LAMA3: variants seen among roughly 807,000 people sequenced by gnomAD.
The protein encoded by LAMA3 is laminin subunit alpha-3.
Under a neutral mutation model 402.0 loss-of-function variants are expected in LAMA3, and 281 were observed. The observed-to-expected ratio is 0.70, with a 90% CI of 0.63 to 0.77. The LOEUF (loss-of-function observed/expected upper bound fraction) is 0.77, where lower values mean the gene tolerates loss of function less well. Among genes scored for constraint, LAMA3 ranks in the 30% least tolerant of loss-of-function variants. The pLI, the probability that LAMA3 is intolerant of heterozygous loss-of-function variation, is 0.00. For missense variants in LAMA3, 3,840 were observed against 4,215.5 expected (o/e 0.91, Z 2.47); for synonymous variants, 1,431 against 1,558.4 (o/e 0.92, Z 1.93).
intron 2 of LAMA3, among the ~76,000 whole-genome samples, chr18:23,733,229 G>A (rs1412841395): frequency 2.6e-5 from 4 of 152,166 alleles, no homozygotes; most frequent in Non-Finnish European, 5.9e-5. Flanking sequence ...CATGGAGGGA[G>A]GCATTATCTT....
At position 23,689,997 on chromosome 18, in the gene LAMA3, C is replaced by T. The variant is rs940389517; in HGVS notation, c.294+20C>T. The T allele has an allele frequency of 4.2e-6, 6 of 1,412,864 alleles. No individual in the cohort carries two copies. The Admixed American group carries it at 8.3e-5, about 20-fold the overall frequency. 87.5% of individuals were successfully genotyped at this position (1,412,864 alleles called of 1,614,324 possible). The stretch of plus-strand genomic sequence containing the variant: ...ATCCAGGTGAGGGCCTCGGAGAGAG[C>T]CGGGGTGGGCGCGCCTTTTCCTTCC... On this transcript the variant is annotated intron_variant, in intron 1 of 74. Transcript: ENST00000313654.
At chr18:23,777,910 T>C (rs2062358235) in intron 11 of LAMA3, among the ~76,000 whole-genome samples, 1 of 152,186 alleles carries the variant, frequency 6.6e-6, no homozygotes. Flanking sequence ...CTTTTTTGAG[T>C]TCCCCGAAAA....
At chr18:23,951,606 TGG>T (rs1159690578) in intron 72 of LAMA3, 76 bp from the exon 73 acceptor site, 1 of 1,140,208 alleles carries the variant, frequency 8.8e-7, no homozygotes, top group Non-Finnish European at 1.3e-6. Context: ...TGGCCCGGTT[TGG>T]GGAGGGAAGA....
intron 58 of LAMA3, 36 bp downstream of exon 58, chr18:23,914,896 A>T: frequency 6.5e-7 from 1 of 1,531,644 alleles, no homozygotes; most frequent in Non-Finnish European, 9.0e-7. Flanking sequence ...ATTAAATATT[A>T]AAATTTTAAT....
intron 12 of LAMA3, among the ~76,000 whole-genome samples, chr18:23,794,214 C>A (rs1474853874): frequency 1.3e-5 from 2 of 152,186 alleles, no homozygotes; most frequent in Non-Finnish European, 2.9e-5. Flanking sequence ...TGGGGAGAGT[C>A]TTAAGACCCA....
intron 7 of LAMA3, among the ~76,000 whole-genome samples, chr18:23,762,913 G>A (rs1276384790): frequency 2.0e-5 from 3 of 151,466 alleles, no homozygotes; most frequent in African/African-American, 7.3e-5. Flanking sequence ...CTGGAGTGCA[G>A]TGGCGAGATC....
At chr18:23,815,284 A>C in intron 16 of LAMA3, 44 bp downstream of exon 16, 1 of 1,566,146 alleles carries the variant, frequency 6.4e-7, no homozygotes, top group Non-Finnish European at 8.8e-7. Context: ...AGAATGCTAC[A>C]GCAACTGCTT....
At chr18:23,914,970 A>G in intron 58 of LAMA3, 110 bp downstream of exon 58, 1 of 914,354 alleles carries the variant, frequency 1.1e-6, no homozygotes, top group Non-Finnish European at 1.7e-6. Flanking sequence ...TTAACCGCAC[A>G]TTCTTACAGC....
Position 23,920,958 on chromosome 18 carries a change from A to G in LAMA3, c.7947A>G (p.Ile2649Met). 4 of 1,614,096 alleles carry G rather than the reference A, an allele frequency of 2.5e-6. No individual in the cohort carries two copies. The highest frequency in any genetic ancestry group is 1.7e-6 in the Non-Finnish European group (2 of 1,179,958). The change falls in exon 61 of 75, where the codon ATA becomes ATG. Residue 2649 changes from isoleucine to methionine, a missense_variant. Coordinates refer to ENST00000313654, the MANE Select transcript of LAMA3 (RefSeq NM_198129.4). ...ENGDRFISLN[I>M]EDGKLMVRYK... ...AGGATCGCTTCATATCTCTAAATAT[A>G]GAAGATGGCAAGCTCATGGTGAGAT...
intron 2 of LAMA3, among the ~76,000 whole-genome samples, chr18:23,720,517 G>A (rs892398068): frequency 6.6e-6 from 1 of 151,958 alleles, no homozygotes; most frequent in African/African-American, 2.4e-5. Flanking sequence ...ACCACACCCA[G>A]CTAATTTTTT....
chr18:23,884,478 T>C (rs2065005919), intron 40 of LAMA3, among the ~76,000 whole-genome samples: 1 of 152,170 alleles, frequency 6.6e-6, no homozygotes, highest in African/African-American at 2.4e-5. Context: ...GCTGTTGTAA[T>C]CATCTCTTCC....
intron 38 of LAMA3, among the ~76,000 whole-genome samples, chr18:23,874,606 T>A (rs1267436110): frequency 6.6e-6 from 1 of 152,244 alleles, no homozygotes; most frequent in Admixed American, 6.5e-5. Flanking sequence ...CACATGAGGC[T>A]TCTGCCTCTC....
chr18:23,884,199 C>A (rs1466927447), intron 40 of LAMA3, among the ~76,000 whole-genome samples: 3 of 151,918 alleles, frequency 2.0e-5, no homozygotes, highest in Non-Finnish European at 2.9e-5. Context: ...GAAAAGGGAT[C>A]AAAATTCCAC....
chr18:23,909,274 G>A lies in LAMA3; in HGVS notation c.7137G>A (p.Gln2379=). 2.5e-6 allele frequency: 4 copies of A among 1,612,696 alleles called. No individual in the cohort carries two copies. The highest frequency in any genetic ancestry group is 3.4e-6 in the Non-Finnish European group (4 of 1,179,996). ...ACAGAATACGAGAACTAATTCAGCA[G>A]GCCAGAGATGCTGCCAGTAAGGTGA... ...NMDRIRELIQ[Q]ARDAASKVAV... is the part of the protein sequence containing the mutation. Residue 2379 remains glutamine, a synonymous_variant, in exon 55 of 75, where the codon CAG becomes CAA. Coordinates refer to ENST00000313654, the MANE Select transcript of LAMA3 (RefSeq NM_198129.4).
chr18:23,740,190 C>T (rs1463124280), intron 2 of LAMA3, among the ~76,000 whole-genome samples: 1 of 152,144 alleles, frequency 6.6e-6, no homozygotes, highest in Non-Finnish European at 1.5e-5. Context: ...TAGTCACCAC[C>T]AAATCTATTT....
At chr18:23,795,290 T>C (rs1171844576) in intron 12 of LAMA3, among the ~76,000 whole-genome samples, 3 of 152,170 alleles carry the variant, frequency 2.0e-5, no homozygotes, top group Middle Eastern at 3.2e-3. Context: ...CAGGCAGATA[T>C]GAAACTTAAG....
At chr18:23,917,945 C>T (rs932572137) in intron 60 of LAMA3, among the ~76,000 whole-genome samples, 13 of 151,652 alleles carry the variant, frequency 8.6e-5, no homozygotes, top group Admixed American at 3.9e-4. Context: ...TTTGCAAAGG[C>T]CTATTTCTAT....
chr18:23,848,662 G>T (rs1345131398), intron 32 of LAMA3, among the ~76,000 whole-genome samples: 1 of 152,196 alleles, frequency 6.6e-6, no homozygotes, highest in Non-Finnish European at 1.5e-5. Flanking sequence ...TGGCTGCTGG[G>T]GACAGGCCTC....
intron 68 of LAMA3, among the ~76,000 whole-genome samples, chr18:23,941,329 C>CA (rs1599157114): frequency 1.5e-5 from 2 of 134,964 alleles, no homozygotes; most frequent in South Asian, 2.9e-4. Flanking sequence ...GCTTGGCGCC[C>CA]CCCCCCCGCC....
Sources: allele counts gnomAD v4.1 joint callset (sites outside exome capture counted in the v4.1 genomes callset), GRCh38; gene constraint gnomAD v4.1.1; transcripts MANE v1.5; gene names NCBI Gene and HGNC (gene_info 2026-07-23, HGNC 2026-07-21).